Variants in DDX10 observed in about 807,000 individuals in gnomAD.
DDX10 encodes DEAD-box helicase 10.
A neutral mutation model predicts 104.3 loss-of-function variants in DDX10; 74 were observed. The observed-to-expected ratio is 0.71, with a 90% CI of 0.59 to 0.86. The LOEUF (loss-of-function observed/expected upper bound fraction) is 0.86, where lower values mean the gene tolerates loss of function less well. DDX10 is among the 40% of genes least tolerant of loss of function. DDX10 has a pLI of 0.00. For synonymous variants in DDX10, 351 were observed against 353.4 expected (o/e 0.99, Z 0.08); for missense variants, 952 against 1,040.0 (o/e 0.92, Z 1.16).
chr11:108,863,128 C>T (rs1292739748), intron 16 of DDX10, among the ~76,000 whole-genome samples: 3 of 152,136 alleles, frequency 2.0e-5, no homozygotes, highest in African/African-American at 7.2e-5. Flanking sequence ...TTTCCTTTCA[C>T]CATCTACAGT....
chr11:108,914,653 A>C (rs1042646811), intron 16 of DDX10, among the ~76,000 whole-genome samples: 1 of 152,150 alleles, frequency 6.6e-6, no homozygotes, highest in Admixed American at 6.5e-5. Context: ...AATATTAGAC[A>C]TGGAATTAAA....
At chr11:108,912,579 T>G (rs1863694742) in intron 16 of DDX10, among the ~76,000 whole-genome samples, 1 of 152,204 alleles carries the variant, frequency 6.6e-6, no homozygotes, top group South Asian at 2.1e-4. Context: ...GCAGTGAGTT[T>G]CCAGCCATGG....
intron 17 of DDX10, among the ~76,000 whole-genome samples, chr11:108,935,626 T>A (rs905396018): frequency 6.6e-6 from 1 of 152,198 alleles, no homozygotes; most frequent in Non-Finnish European, 1.5e-5. Context: ...GAAACCATTA[T>A]TGAATGGCTT....
At position 108,679,568 on chromosome 11, in the gene DDX10, C is replaced by A. The variant is rs1454561863; in HGVS notation, c.848+8C>A. ...TGAAAAAGCAAAATATAGGTATGTACTCTTTGAGTCAATCAAGATAAATGT... is the reference window on the plus strand; with the variant it reads ...TGAAAAAGCAAAATATAGGTATGTAATCTTTGAGTCAATCAAGATAAATGT... On this transcript the variant is annotated splice_region_variant and intron_variant, in intron 6 of 17. Coordinates refer to ENST00000322536, the MANE Select transcript of DDX10 (RefSeq NM_004398.4). The A allele has an allele frequency of 1.9e-6, 3 of 1,543,084 alleles. No homozygotes were observed. The highest frequency in any genetic ancestry group is 2.6e-6 in the Non-Finnish European group (3 of 1,145,370).
At chr11:108,894,856 A>C (rs1319864269) in intron 16 of DDX10, among the ~76,000 whole-genome samples, 1 of 152,106 alleles carries the variant, frequency 6.6e-6, no homozygotes. Context: ...GAAGAGGAAA[A>C]ACGTCCTTTA....
intron 13 of DDX10, chr11:108,768,108 TAATC>T (rs1207477067): frequency 6.6e-6 from 1 of 152,260 alleles, no homozygotes; most frequent in Non-Finnish European, 1.5e-5. Context: ...AAATATGTGT[TAATC>T]AACAGTTTAT....
intron 16 of DDX10, among the ~76,000 whole-genome samples, chr11:108,868,780 G>A (rs1467331942): frequency 6.6e-6 from 1 of 152,032 alleles, no homozygotes; most frequent in Non-Finnish European, 1.5e-5. Flanking sequence ...TGGCAGTGCT[G>A]TAATATGACA....
At chr11:108,782,706 A>T (rs1861723203) in intron 13 of DDX10, among the ~76,000 whole-genome samples, 1 of 152,076 alleles carries the variant, frequency 6.6e-6, no homozygotes, top group Non-Finnish European at 1.5e-5. Flanking sequence ...TGCAGTGTCT[A>T]CCAAATGACT....
intron 16 of DDX10, among the ~76,000 whole-genome samples, chr11:108,897,752 G>T (rs1863460028): frequency 6.6e-6 from 1 of 151,520 alleles, no homozygotes; most frequent in Non-Finnish European, 1.5e-5. Context: ...CTTTCAGTTT[G>T]ATCCTCCCAT....
intron 1 of DDX10, 145 bp downstream of exon 1, chr11:108,665,484 A>G (rs2094208952): frequency 1.1e-6 from 1 of 916,832 alleles, no homozygotes; most frequent in African/African-American, 1.7e-5. Flanking sequence ...CCACAGCTCA[A>G]ACCTCTGCAC....
chr11:108,702,183 T>C (rs1182402578), intron 9 of DDX10, among the ~76,000 whole-genome samples: 1 of 152,152 alleles, frequency 6.6e-6, no homozygotes, highest in Non-Finnish European at 1.5e-5. Flanking sequence ...AAAAACATAG[T>C]TTTTTTAAAA....
At chr11:108,682,684 T>G (rs142444248) in intron 6 of DDX10, among the ~76,000 whole-genome samples, 1 of 152,236 alleles carries the variant, frequency 6.6e-6, no homozygotes. Flanking sequence ...GCCACTGTTA[T>G]CACTGTTTGC....
At chr11:108,721,609 C>CA (rs1323051543) in intron 12 of DDX10, among the ~76,000 whole-genome samples, 1 of 152,122 alleles carries the variant, frequency 6.6e-6, no homozygotes, top group Non-Finnish European at 1.5e-5. Flanking sequence ...ACGTTGAGAA[C>CA]AAATTTTAGT....
chr11:108,675,492 A>AT, intron 2 of DDX10, 104 bp from the exon 3 acceptor site: 1 of 1,278,656 alleles, frequency 7.8e-7, no homozygotes, highest in Non-Finnish European at 1.1e-6. Context: ...GGTACGAGGC[A>AT]TTAGGGCTTC....
In DDX10 at chr11:108,688,988, A is replaced by G. The variant is rs775049164; in HGVS notation, c.901A>G (p.Ile301Val). Residue 301 changes from isoleucine (I) to valine (V), a missense_variant, in exon 7 of 18, where the codon ATA becomes GTA. By Grantham distance (29) the Ile-to-Val change is conservative. Transcript: ENST00000322536. The part of the protein sequence containing the change: ...NYIVCELQQK[I>V]SVLYSFLRSH... ...CATAGTCTGTGAGCTGCAGCAAAAA[A>G]TAAGTGTGCTGTATTCCTTTTTGAG... 6 of 1,613,994 alleles carry G rather than the reference A, an allele frequency of 3.7e-6. No homozygotes were observed. The Admixed American group carries it at 8.3e-5, about 22-fold the overall frequency.
At chr11:108,914,104 T>C (rs779150950) in intron 16 of DDX10, among the ~76,000 whole-genome samples, 1 of 152,152 alleles carries the variant, frequency 6.6e-6, no homozygotes, top group Non-Finnish European at 1.5e-5. Context: ...TGAAAGTAAA[T>C]TTTTATTACT....
rs1215871473 is a variant in DDX10 at position 108,708,247 on chromosome 11, G to C, written c.1322+1410G>C. Among the ~76,000 whole-genome samples, 3 of 146,556 alleles carry C rather than the reference G, an allele frequency of 2.0e-5. No individual in the cohort carries two copies. In the South Asian group the frequency reaches 6.3e-4, roughly 31 times the overall value. On this transcript the variant is annotated intron_variant, in intron 10 of 17. Transcript: ENST00000322536. ...AAAAAAAGATCATGAGTGGATATTG[G>C]ATTTTGTTAAAAAAAATTTTTTTTT...
chr11:108,823,915 C>T (rs139736622), intron 13 of DDX10, among the ~76,000 whole-genome samples: 1 of 152,340 alleles, frequency 6.6e-6, no homozygotes, highest in Non-Finnish European at 1.5e-5. Context: ...AATCTAGCTA[C>T]TGGCACATTC....
chr11:108,816,658 T>A (rs948557224), intron 13 of DDX10, among the ~76,000 whole-genome samples: 5 of 151,560 alleles, frequency 3.3e-5, no homozygotes, highest in Non-Finnish European at 7.4e-5. Context: ...GTTCAAGTGA[T>A]TTTCCTGCCT....
Sources: allele counts gnomAD v4.1 joint callset (sites outside exome capture counted in the v4.1 genomes callset), GRCh38; gene constraint gnomAD v4.1.1; transcripts MANE v1.5; gene names NCBI Gene and HGNC (gene_info 2026-07-23, HGNC 2026-07-21).